Variants in MAP3K7CL observed in about 807,000 individuals in gnomAD.
MAP3K7CL encodes the protein MAP3K7 C-terminal-like protein.
MAP3K7CL carries 16 observed loss-of-function variants against 18.6 expected under a neutral mutation model. The ratio of observed to expected loss-of-function variants is 0.86; its 90% CI spans 0.58 to 1.31. The LOEUF is 1.31. MAP3K7CL is among the 50% of genes most tolerant of loss of function. The pLI, the probability that MAP3K7CL is intolerant of heterozygous loss-of-function variation, is 0.00. For synonymous variants in MAP3K7CL, 65 were observed against 66.8 expected, an observed-to-expected ratio of 0.97 and a Z score of 0.13; for missense variants, 163 against 174.4, an observed-to-expected ratio of 0.93 and a Z score of 0.37.
intron 4 of MAP3K7CL, chr21:29,102,643 T>G (rs1268827976): frequency 1.3e-5 from 2 of 152,130 alleles, no homozygotes; most frequent in Admixed American, 6.6e-5. Flanking sequence ...TATGACCTTC[T>G]TGTTTTCATC....
chr21:29,122,238 G>C (rs543875729), intron 4 of MAP3K7CL: 2 of 152,288 alleles, frequency 1.3e-5, no homozygotes, highest in Non-Finnish European at 2.9e-5. Flanking sequence ...GGGCCAGGAT[G>C]AGTGCTTCTG....
At chr21:29,087,780 A>C (rs551531111) in intron 1 of MAP3K7CL, among the ~76,000 whole-genome samples, 1 of 151,710 alleles carries the variant, frequency 6.6e-6, no homozygotes, top group African/African-American at 2.4e-5. Flanking sequence ...TTTTTAGTAG[A>C]GACGGGGTTT....
At chr21:29,154,992 A>G (rs1490935650) in intron 3 of MAP3K7CL, among the ~76,000 whole-genome samples, 1 of 152,212 alleles carries the variant, frequency 6.6e-6, no homozygotes, top group Non-Finnish European at 1.5e-5. Context: ...TGTCAACAGA[A>G]ATGACTTAAA....
chr21:29,086,353 G>T (rs1383127823), intron 1 of MAP3K7CL, among the ~76,000 whole-genome samples: 1 of 152,184 alleles, frequency 6.6e-6, no homozygotes, highest in African/African-American at 2.4e-5. Flanking sequence ...AGCTTGAAAT[G>T]AACTTCTCGA....
chr21:29,108,867 A>G (rs1601168135), intron 4 of MAP3K7CL, among the ~76,000 whole-genome samples: 1 of 152,338 alleles, frequency 6.6e-6, no homozygotes, highest in East Asian at 1.9e-4. Context: ...GTCAAATGAA[A>G]CAGTCAAAAA....
At position 29,130,874 on chromosome 21, in the gene MAP3K7CL, G is replaced by A. The variant is rs1027279631; in HGVS notation, c.-89G>A. 1 of 985,564 alleles carries A rather than the reference G, an allele frequency of 1.0e-6. No individual in the cohort carries two copies. The highest frequency in any genetic ancestry group is 1.2e-6 in the Non-Finnish European group (1 of 830,016). 61.1% of individuals were successfully genotyped at this position (985,564 alleles called of 1,614,324 possible). A position where few individuals can be genotyped will look rare whatever the true frequency, so the allele number is the denominator to read the frequency against. Reference sequence around the variant, plus strand: ...CTCCACAAAGGCAACGACTGGCCAAGGCAGTGGCTGGCTCTGGGTTACACA... The same window carrying A: ...CTCCACAAAGGCAACGACTGGCCAAAGCAGTGGCTGGCTCTGGGTTACACA... On this transcript the variant is annotated 5_prime_UTR_variant, in exon 1 of 5. Transcript: ENST00000399928.
chr21:29,147,550 T>C (rs1171819287), intron 2 of MAP3K7CL, among the ~76,000 whole-genome samples: 1 of 151,902 alleles, frequency 6.6e-6, no homozygotes. Context: ...ATATGTGTAC[T>C]GTATCTGTAT....
intron 4 of MAP3K7CL, among the ~76,000 whole-genome samples, chr21:29,099,261 A>ATATTT (rs2086177774): frequency 1.2e-5 from 1 of 83,028 alleles, no homozygotes; most frequent in African/African-American, 5.3e-5. Flanking sequence ...CAGCTAATTG[A>ATATTT]TTTTTTTTTT....
In MAP3K7CL at chr21:29,151,095, CTGCAAGTGATAGTTCT is replaced by C. The variant is rs567312687; in HGVS notation, c.132+1849_132+1864del. Among the ~76,000 whole-genome samples the C allele has an allele frequency of 4.6e-5, 7 of 151,948 alleles. No homozygotes were observed. In the South Asian group the frequency reaches 1.5e-3, roughly 32 times the overall value. Reference sequence around the variant, plus strand: ...TGCATTTTCTTCTGGTCTGTTGACACTGCAAGTGATAGTTCTTGCTTAGGTTCTGTTCTCACAGAGA... The same window carrying C: ...TGCATTTTCTTCTGGTCTGTTGACACTGCTTAGGTTCTGTTCTCACAGAGA... On this transcript the variant is annotated intron_variant, in intron 3 of 4. Coordinates refer to ENST00000399928, the MANE Select transcript of MAP3K7CL (RefSeq NM_001286620.2).
intron 2 of MAP3K7CL, chr21:29,145,536 T>A (rs1707968867): frequency 6.6e-6 from 1 of 152,236 alleles, no homozygotes; most frequent in African/African-American, 2.4e-5. Flanking sequence ...TATTTGCCTA[T>A]TTTTAAAACC....
In MAP3K7CL at chr21:29,086,369, A is replaced by G. The variant is rs16983698; in HGVS notation, c.57+452A>G. Among the ~76,000 whole-genome samples, 1,245 of 152,292 alleles carry G rather than the reference A, an allele frequency of 8.2e-3. 16 individuals are homozygous for G. Among genetic ancestry groups the G allele is most frequent in the African/African-American group, 0.028 (1,162 of 41,546 alleles). On this transcript the variant is annotated intron_variant, in intron 1 of 6. Transcript: ENST00000286791. The stretch of plus-strand genomic sequence containing the variant: ...GCTTGAAATGAACTTCTCGAGGTTC[A>G]TGGCCCCGTAAGTGTTTGCTGCCCA...
intron 4 of MAP3K7CL, among the ~76,000 whole-genome samples, chr21:29,120,190 T>A (rs1168779209): frequency 6.6e-6 from 1 of 152,136 alleles, no homozygotes; most frequent in African/African-American, 2.4e-5. Flanking sequence ...TTTTCTTTTT[T>A]TTTTTGAGAC....
At chr21:29,122,481 G>A (rs2086611618) in intron 4 of MAP3K7CL, among the ~76,000 whole-genome samples, 1 of 152,200 alleles carries the variant, frequency 6.6e-6, no homozygotes, top group South Asian at 2.1e-4. Flanking sequence ...AATTGTGGGC[G>A]ATTTTATTGC....
intron 2 of MAP3K7CL, among the ~76,000 whole-genome samples, chr21:29,142,335 G>A (rs1217740067): frequency 6.6e-6 from 1 of 152,080 alleles, no homozygotes; most frequent in Non-Finnish European, 1.5e-5. Context: ...CTAAAGTGCT[G>A]GAATTACAGG....
intron 3 of MAP3K7CL, among the ~76,000 whole-genome samples, chr21:29,158,594 T>C (rs901245834): frequency 6.6e-6 from 1 of 152,334 alleles, no homozygotes; most frequent in African/African-American, 2.4e-5. Flanking sequence ...GTAAACTTTA[T>C]TGAATTTCTA....
chr21:29,119,581 C>T lies in MAP3K7CL; in HGVS notation c.370+27000C>T, dbSNP rs546221476. On this transcript the variant is annotated intron_variant, in intron 4 of 6. Transcript: ENST00000286791. ...TTGTGTTTCCTGTGTTCCAGGCTTT[C>T]TCTTTCCTGGTTTACACCAGCAGCT... Among the ~76,000 whole-genome samples the T allele has an allele frequency of 3.3e-5, 5 of 151,962 alleles. No homozygotes were observed. The South Asian group carries it at 6.2e-4, about 19-fold the overall frequency.
rs1456790590 is a variant in MAP3K7CL at position 29,108,503 on chromosome 21, A to G, written c.370+15922A>G. Among the ~76,000 whole-genome samples, 8 of 152,232 alleles carry G rather than the reference A, an allele frequency of 5.3e-5. 1 individual carries two copies. The South Asian group carries it at 1.5e-3, about 28-fold the overall frequency. ...TACTGCCAAATTGTCCTCCAGAAAC[A>G]TTATACCAGTTGGCATTCCTACCAG... On this transcript the variant is annotated intron_variant, in intron 4 of 6. Transcript: ENST00000286791.
At chr21:29,087,888 C>T (rs955531119) in intron 1 of MAP3K7CL, among the ~76,000 whole-genome samples, 8 of 151,882 alleles carry the variant, frequency 5.3e-5, no homozygotes, top group African/African-American at 1.2e-4. Context: ...CCACCGCGCC[C>T]GGTCGTGCTC....
intron 3 of MAP3K7CL, among the ~76,000 whole-genome samples, chr21:29,150,480 G>T (rs1213313011): frequency 6.6e-6 from 1 of 152,154 alleles, no homozygotes; most frequent in African/African-American, 2.4e-5. Context: ...ACAGAAAGCT[G>T]CTCAACAGAG....
Sources: gnomAD v4.1 joint callset for allele counts (sites outside exome capture counted in the v4.1 genomes callset) on GRCh38, gnomAD v4.1.1 for gene constraint, MANE v1.5 for transcripts, NCBI Gene and HGNC (gene_info 2026-07-23, HGNC 2026-07-21) for gene names.